Variants in DPH6 observed in about 807,000 individuals in gnomAD.
DPH6 encodes diphthamine biosynthesis 6.
In DPH6, 33 loss-of-function variants were observed where a neutral mutation model predicts 38.2. That is an observed-to-expected ratio of 0.86 (90% CI 0.65 to 1.15). DPH6 has a LOEUF of 1.15. DPH6 is among the 50% of genes most tolerant of loss of function. The pLI, the probability that DPH6 is intolerant of heterozygous loss-of-function variation, is 0.00. For synonymous variants in DPH6, 108 were observed against 103.0 expected (o/e 1.05, Z -0.30); for missense variants, 325 against 320.0 (o/e 1.02, Z -0.12).
At chr15:35,387,889 A>G (rs2052992694) in intron 6 of DPH6, among the ~76,000 whole-genome samples, 1 of 152,042 alleles carries the variant, frequency 6.6e-6, no homozygotes, top group African/African-American at 2.4e-5. Context: ...GTTGAATAGG[A>G]GTGGTGAGAG....
chr15:35,235,119 T>C lies in DPH6; in HGVS notation n.201-14537A>G, dbSNP rs1397941981. Among the ~76,000 whole-genome samples, 3 of 152,244 alleles carry C rather than the reference T, an allele frequency of 2.0e-5. No individual in the cohort carries two copies. The East Asian group carries it at 5.8e-4, about 29-fold the overall frequency. ...GCTCTGTCCAGAAGCCCTTTTACCA[T>C]TTCCGGGCATTCACTTCCCTTTGGT... On this transcript the variant is annotated intron_variant and non_coding_transcript_variant, in intron 3 of 3. Coordinates refer to the DPH6 transcript ENST00000560386.
At chr15:35,515,397 A>G (rs1272784815) in intron 3 of DPH6, among the ~76,000 whole-genome samples, 1 of 152,036 alleles carries the variant, frequency 6.6e-6, no homozygotes, top group Non-Finnish European at 1.5e-5. Flanking sequence ...GTTCGTGACC[A>G]GCCTGGGTAA....
chr15:35,528,269 A>G (rs1210219410), intron 3 of DPH6, among the ~76,000 whole-genome samples: 1 of 152,194 alleles, frequency 6.6e-6, no homozygotes, highest in African/African-American at 2.4e-5. Context: ...AAATGAACCC[A>G]TATTGATATG....
At chr15:35,485,752 A>G (rs2054389310) in intron 3 of DPH6, among the ~76,000 whole-genome samples, 1 of 152,174 alleles carries the variant, frequency 6.6e-6, no homozygotes, top group African/African-American at 2.4e-5. Context: ...GCTCCTTCCC[A>G]CAATGAGCCT....
At chr15:35,365,407 T>A (rs985487532) in intron 3 of DPH6, among the ~76,000 whole-genome samples, 5 of 152,132 alleles carry the variant, frequency 3.3e-5, no homozygotes, top group Non-Finnish European at 7.4e-5. Flanking sequence ...AGTCAATAAA[T>A]GTGTTCTGAA....
chr15:35,237,866 G>A (rs1049137527), intron 3 of DPH6: 54 of 1,502,420 alleles, frequency 3.6e-5, no homozygotes, highest in Non-Finnish European at 5.0e-5. Context: ...GGAGTATGAC[G>A]AAGATGCTCA....
At chr15:35,496,567 A>AAAATATAT in intron 3 of DPH6, among the ~76,000 whole-genome samples, 21 of 31,004 alleles carry the variant, frequency 6.8e-4, no homozygotes, top group East Asian at 3.0e-3. Flanking sequence ...AAAAAAAAAA[A>AAAATATAT]ATATATATAT....
At chr15:35,503,989 C>T (rs189879599) in intron 3 of DPH6, among the ~76,000 whole-genome samples, 20 of 152,168 alleles carry the variant, frequency 1.3e-4, no homozygotes, top group Admixed American at 1.3e-3. Flanking sequence ...TGATCTCTAC[C>T]ATCAATTTAT....
intron 4 of DPH6, among the ~76,000 whole-genome samples, chr15:35,452,176 G>C (rs1023190315): frequency 3.3e-5 from 5 of 152,072 alleles, no homozygotes; most frequent in Non-Finnish European, 7.4e-5. Flanking sequence ...ACTCACTGCT[G>C]CCTGCTCATT....
intron 3 of DPH6, among the ~76,000 whole-genome samples, chr15:35,341,780 C>A (rs543287573): frequency 1.7e-4 from 26 of 152,296 alleles, no homozygotes; most frequent in African/African-American, 5.5e-4. Flanking sequence ...TGTCGCTGTT[C>A]CAAACACGCT....
intron 3 of DPH6, among the ~76,000 whole-genome samples, chr15:35,467,390 C>T (rs2054140393): frequency 6.6e-6 from 1 of 151,812 alleles, no homozygotes. Context: ...CATGGTGAAA[C>T]CCCCATCTCT....
At chr15:35,264,908 C>T (rs1188885365) in intron 3 of DPH6, among the ~76,000 whole-genome samples, 1 of 152,100 alleles carries the variant, frequency 6.6e-6, no homozygotes, top group Non-Finnish European at 1.5e-5. Flanking sequence ...GACATTTGGC[C>T]TCCATAGGCA....
chr15:35,545,928 C>G (rs939815031), intron 1 of DPH6, among the ~76,000 whole-genome samples, 191 bp downstream of exon 1: 1 of 152,168 alleles, frequency 6.6e-6, no homozygotes, highest in South Asian at 2.1e-4. Context: ...GGAGGAGGCG[C>G]GCCAGCCAGG....
chr15:35,151,639 T>C, the DPH6 span, among the ~76,000 whole-genome samples: 1 of 152,228 alleles, frequency 6.6e-6, no homozygotes, highest in African/African-American at 2.4e-5. Flanking sequence ...TCAGTCTGAC[T>C]GAGTGTGGCT....
At chr15:35,483,088 G>A (rs1023805081) in intron 3 of DPH6, among the ~76,000 whole-genome samples, 6 of 151,642 alleles carry the variant, frequency 4.0e-5, no homozygotes, top group African/African-American at 7.3e-5. Flanking sequence ...TTCACTAGAC[G>A]CTCCACCAAA....
chr15:35,228,403 G>T (rs1235814344), intron 3 of DPH6, among the ~76,000 whole-genome samples: 2 of 152,086 alleles, frequency 1.3e-5, no homozygotes. Context: ...GTTTTTCTGT[G>T]TACTTACTAT....
At chr15:35,297,456 T>C (rs1320111570) in intron 3 of DPH6, among the ~76,000 whole-genome samples, 1 of 152,130 alleles carries the variant, frequency 6.6e-6, no homozygotes, top group African/African-American at 2.4e-5. Context: ...CCTTTTCTTA[T>C]TGTATTCAGA....
chr15:35,489,158 G>GA (rs748596921), intron 3 of DPH6: 53 of 244,624 alleles, frequency 2.2e-4, no homozygotes, highest in Non-Finnish European at 3.3e-4. Flanking sequence ...TTTGAAATTG[G>GA]AACTAAAGGA....
At chr15:35,353,692 A>G (rs1403326227) in intron 3 of DPH6, among the ~76,000 whole-genome samples, 1 of 152,184 alleles carries the variant, frequency 6.6e-6, no homozygotes, top group African/African-American at 2.4e-5. Context: ...GCCTTGTAGT[A>G]TAGTTTGAAG....
Sources: gnomAD v4.1 joint callset for allele counts (sites outside exome capture counted in the v4.1 genomes callset) on GRCh38, gnomAD v4.1.1 for gene constraint, MANE v1.5 for transcripts, NCBI Gene and HGNC (gene_info 2026-07-23, HGNC 2026-07-21) for gene names.